CFAP97: variants seen among roughly 807,000 people sequenced by gnomAD.
CFAP97 encodes cilia and flagella associated protein 97.
In CFAP97, 36 loss-of-function variants were observed where a neutral mutation model predicts 43.1. The observed-to-expected ratio is 0.84, with a 90% CI of 0.64 to 1.10. The LOEUF (loss-of-function observed/expected upper bound fraction) is 1.10, where lower values mean the gene tolerates loss of function less well. Among genes scored for constraint, CFAP97 ranks in the 50% least tolerant of loss-of-function variants. The pLI is 0.00. For missense variants in CFAP97, 657 were observed against 620.3 expected (o/e 1.06, Z -0.63); for synonymous variants, 228 against 225.7 (o/e 1.01, Z -0.09).
At chr4:185,164,996 C>A (rs1356591410) in intron 3 of CFAP97, among the ~76,000 whole-genome samples, 3 of 152,186 alleles carry the variant, frequency 2.0e-5, no homozygotes. Flanking sequence ...GCAGGGAGGG[C>A]CCTCGGGTCT....
At chr4:185,209,985 C>A, upstream of CFAP97, 1 of 983,630 alleles carries the variant, frequency 1.0e-6, no homozygotes, top group Non-Finnish European at 1.2e-6. This position sits in a 1 kb window ranked among gnomAD's most constrained non-coding sequence, Gnocchi z 5.2. Context: ...GGGCCCCGGG[C>A]GGCCGGAGCT....
intron 1 of CFAP97, among the ~76,000 whole-genome samples, chr4:185,197,514 G>C (rs1216246900): frequency 6.6e-6 from 1 of 151,476 alleles, no homozygotes; most frequent in African/African-American, 2.4e-5. Flanking sequence ...CGCAACCTCA[G>C]ACTCCCTGCT....
rs948715345 is a variant in CFAP97 at position 185,193,852 on chromosome 4, C to A, written c.-16-2640G>T. Reference sequence around the variant, plus strand: ...GCAGTGAGCTGAGATCGCACCACTGCACTCCAGCCTGGGCGACAGAGAGAG... The same window carrying A: ...GCAGTGAGCTGAGATCGCACCACTGAACTCCAGCCTGGGCGACAGAGAGAG... On this transcript the variant is annotated intron_variant, in intron 1 of 4. Transcript: ENST00000458385. 3.4e-5 allele frequency among the ~76,000 whole-genome samples: 5 copies of A among 148,176 alleles called. No homozygotes were observed. In the East Asian group the frequency reaches 1.0e-3, roughly 30 times the overall value.
chr4:185,194,467 C>T (rs78139581), intron 1 of CFAP97, among the ~76,000 whole-genome samples: 3,168 of 152,058 alleles, frequency 0.021, 50 homozygotes, highest in Middle Eastern at 0.071. Context: ...CCAGCCTGGG[C>T]GACAAGAGTG....
At position 185,192,854 on chromosome 4, in the gene CFAP97, C is replaced by T. The variant is rs1481535131; in HGVS notation, c.-16-1642G>A. On this transcript the variant is annotated intron_variant, in intron 1 of 4. Transcript: ENST00000458385. ...CTCCCGGGTTCACGCCATTCTCCTG[C>T]CTCAGCCTCCCGAGTAGCTGGGACT... Among the ~76,000 whole-genome samples the T allele has an allele frequency of 2.7e-5, 4 of 150,876 alleles. No individual in the cohort carries two copies. In the East Asian group the frequency reaches 7.8e-4, roughly 30 times the overall value.
At chr4:185,173,987 G>A (rs1204947727) in intron 3 of CFAP97, among the ~76,000 whole-genome samples, 1 of 151,950 alleles carries the variant, frequency 6.6e-6, no homozygotes, top group African/African-American at 2.4e-5. Flanking sequence ...CAATAAAGCT[G>A]GTTAAAAAAA....
chr4:185,163,936 G>T (rs1579224768), intron 4 of CFAP97, 93 bp downstream of exon 4: 24 of 1,105,232 alleles, frequency 2.2e-5, no homozygotes, highest in Non-Finnish European at 2.9e-5. Flanking sequence ...TCCAGAGTTG[G>T]CATTTAAAAC....
At chr4:185,185,165 C>A (rs896459468) in intron 2 of CFAP97, among the ~76,000 whole-genome samples, 1 of 152,076 alleles carries the variant, frequency 6.6e-6, no homozygotes, top group Non-Finnish European at 1.5e-5. Context: ...AACACGTTTC[C>A]CATTTGCCCC....
chr4:185,204,556 GGAT>G (rs1369163100), upstream of CFAP97: 1 of 152,198 alleles, frequency 6.6e-6, no homozygotes, highest in Admixed American at 6.5e-5. Context: ...AGGTATGGTA[GGAT>G]GATGGCACCC....
At chr4:185,172,722 A>G (rs1344656846) in intron 3 of CFAP97, among the ~76,000 whole-genome samples, 1 of 152,106 alleles carries the variant, frequency 6.6e-6, no homozygotes, top group African/African-American at 2.4e-5. Flanking sequence ...ACAGATTAAA[A>G]AGTCTATCAG....
Position 185,162,868 on chromosome 4 carries a change from G to A in CFAP97, c.1529C>T (p.Ala510Val), listed in dbSNP as rs192418727. 83 of 1,611,684 alleles carry A rather than the reference G, an allele frequency of 5.1e-5. No individual in the cohort carries two copies. Among genetic ancestry groups the A allele is most frequent in the Admixed American group, 3.7e-4 (22 of 59,664 alleles). The change falls in exon 5 of 5, where the codon GCG becomes GTG. Residue 510 changes from alanine to valine, a missense_variant. Transcript: ENST00000458385. ...SGLSCRSERS[A>V]VDPSSGHPRR... ...AGGGTGGCCACTGGAGGGGTCAACC[G>A]CTGATCGCTCACTCCTACAACTGAG...
chr4:185,174,496 A>C (rs1205615877), intron 3 of CFAP97, among the ~76,000 whole-genome samples: 3 of 152,214 alleles, frequency 2.0e-5, no homozygotes, highest in Non-Finnish European at 2.9e-5. Flanking sequence ...AAATGTACAA[A>C]AGAGTTGTTA....
chr4:185,169,903 GAAGTA>G lies in CFAP97; in HGVS notation c.1321-5729_1321-5725del, dbSNP rs761610669. The G allele has an allele frequency of 7.4e-5, 73 of 988,414 alleles. No homozygotes were observed. In the East Asian group the frequency reaches 6.3e-3, roughly 85 times the overall value. The allele number at this position is 988,414 out of a possible 1,614,324, so 61.2% of individuals were successfully genotyped here. ...AACCAGACAAGAAGGAAACCCCAAT[GAAGTA>G]AAGTATACATTATTTCAAGATCTTA... is the stretch of plus-strand genomic sequence containing the variant. On this transcript the variant is annotated intron_variant, in intron 3 of 4. Transcript: ENST00000458385.
intron 3 of CFAP97, among the ~76,000 whole-genome samples, chr4:185,175,497 A>G (rs1446746576): frequency 6.6e-6 from 1 of 151,872 alleles, no homozygotes; most frequent in African/African-American, 2.4e-5. Context: ...TCTGGTCTCA[A>G]ACTCCTTGCC....
At chr4:185,178,240 C>CTTTTTTTT (rs562452947) in intron 2 of CFAP97, among the ~76,000 whole-genome samples, 1 of 64,220 alleles carries the variant, frequency 1.6e-5, no homozygotes, top group Non-Finnish European at 3.0e-5. Flanking sequence ...CGGTTTTTGT[C>CTTTTTTTT]TTTTTTTTTT....
intron 1 of CFAP97, among the ~76,000 whole-genome samples, chr4:185,202,741 G>C (rs1198819257): frequency 6.6e-6 from 1 of 152,066 alleles, no homozygotes; most frequent in Non-Finnish European, 1.5e-5. Flanking sequence ...ATGCGCCCTG[G>C]TGCATAGTCC....
chr4:185,162,734 A>G lies in CFAP97; in HGVS notation c.*64T>C. 6.6e-7 allele frequency: 1 copy of G among 1,516,752 alleles called. No homozygotes were observed. The highest frequency in any genetic ancestry group is 9.1e-7 in the Non-Finnish European group (1 of 1,104,786). 94.0% of individuals were successfully genotyped at this position (1,516,752 alleles called of 1,614,324 possible). On this transcript the variant is annotated 3_prime_UTR_variant, in exon 5 of 5. Transcript: ENST00000458385. ...ATTCTAGATGTTTACACAGAGAATTATAGGAATATGCACGAGCACTTCAAG... is the reference window on the plus strand; with the variant it reads ...ATTCTAGATGTTTACACAGAGAATTGTAGGAATATGCACGAGCACTTCAAG...
rs1371189276 is a variant in CFAP97, at chr4:185,159,703, G to A, written c.*3095C>T. 3.9e-5 allele frequency: 6 copies of A among 152,098 alleles called. No homozygotes were observed. The highest frequency in any genetic ancestry group is 4.4e-5 in the Non-Finnish European group (3 of 68,018). 9.4% of individuals were successfully genotyped at this position (152,098 alleles called of 1,614,324 possible). ...TTTTATTTCTTTCTTCATTATGCCA[G>A]GCTAGTTCTAAATGCCTAAAATACA... On this transcript the variant is annotated 3_prime_UTR_variant, in exon 5 of 5. Transcript: ENST00000458385.
intron 2 of CFAP97, among the ~76,000 whole-genome samples, chr4:185,183,754 A>G (rs1735896800): frequency 6.6e-6 from 1 of 152,210 alleles, no homozygotes; most frequent in Non-Finnish European, 1.5e-5. Context: ...GGACTCCAAT[A>G]ACAGATGTAC....
Sources: gnomAD v4.1 joint callset for allele counts (sites outside exome capture counted in the v4.1 genomes callset) on GRCh38, gnomAD v4.1.1 for gene constraint, Gnocchi (gnomAD v3.1) non-coding constraint, MANE v1.5 for transcripts, NCBI Gene and HGNC (gene_info 2026-07-23, HGNC 2026-07-21) for gene names.